Variants in KCNMB2 observed in about 807,000 individuals in gnomAD.
KCNMB2 encodes the protein calcium-activated potassium channel subunit beta-2.
Under a neutral mutation model 24.5 loss-of-function variants are expected in KCNMB2, and 9 were observed. That is an observed-to-expected ratio of 0.37 (90% CI 0.22 to 0.64). The LOEUF (loss-of-function observed/expected upper bound fraction) is 0.64, where lower values mean the gene tolerates loss of function less well. Ranked by LOEUF, KCNMB2 falls within the 30% of genes least tolerant of loss-of-function variation. The pLI is 0.63. For synonymous variants in KCNMB2, 109 were observed against 104.4 expected, an observed-to-expected ratio of 1.04 and a Z score of -0.27; for missense variants, 226 against 284.3, an observed-to-expected ratio of 0.79 and a Z score of 1.47.
At chr3:178,682,453 A>G (rs533519370) in intron 1 of KCNMB2, among the ~76,000 whole-genome samples, 1 of 152,184 alleles carries the variant, frequency 6.6e-6, no homozygotes, top group African/African-American at 2.4e-5. Flanking sequence ...CAAATCTTCT[A>G]TTCAGCATCT....
At chr3:178,578,723 C>A (rs1169429448) in intron 1 of KCNMB2, among the ~76,000 whole-genome samples, 1 of 152,096 alleles carries the variant, frequency 6.6e-6, no homozygotes, top group African/African-American at 2.4e-5. Context: ...GCAGAGTTTG[C>A]AATCCTAGTC....
At chr3:178,570,818 A>G (rs953905858) in intron 1 of KCNMB2, among the ~76,000 whole-genome samples, 4 of 152,192 alleles carry the variant, frequency 2.6e-5, no homozygotes, top group Non-Finnish European at 5.9e-5. Context: ...GAACTCTGGT[A>G]AGAAGAAAAG....
intron 1 of KCNMB2, among the ~76,000 whole-genome samples, chr3:178,750,621 C>T (rs1723812462): frequency 6.6e-6 from 1 of 152,164 alleles, no homozygotes; most frequent in Admixed American, 6.5e-5. Context: ...TTAGACTCAC[C>T]TTGTCATTCA....
chr3:178,750,839 T>C (rs1471418034), intron 1 of KCNMB2, among the ~76,000 whole-genome samples: 1 of 152,212 alleles, frequency 6.6e-6, no homozygotes, highest in African/African-American at 2.4e-5. Context: ...CCTGTGTTAC[T>C]TCCTCATCAA....
At chr3:178,730,191 C>T (rs1453907136) in intron 1 of KCNMB2, among the ~76,000 whole-genome samples, 4 of 152,136 alleles carry the variant, frequency 2.6e-5, no homozygotes, top group Non-Finnish European at 5.9e-5. Context: ...ACCCTAATAA[C>T]AATCACATAC....
Position 178,735,306 on chromosome 3 carries a change from C to T in KCNMB2, c.-67-72037C>T, listed in dbSNP as rs574271195. 9.3e-5 allele frequency among the ~76,000 whole-genome samples: 14 copies of T among 151,080 alleles called. No individual in the cohort carries two copies. In the South Asian group the frequency reaches 2.1e-3, roughly 23 times the overall value. On this transcript the variant is annotated intron_variant, in intron 1 of 4. Transcript: ENST00000452583. ...AGGAGATGGCCTGGATCACAGTTCTCAAAACAGTATGACTTCACTCCAGGG... is the reference window on the plus strand; with the variant it reads ...AGGAGATGGCCTGGATCACAGTTCTTAAAACAGTATGACTTCACTCCAGGG...
At chr3:178,771,473 C>CTTTCT (rs1712354438) in intron 1 of KCNMB2, among the ~76,000 whole-genome samples, 1 of 87,532 alleles carries the variant, frequency 1.1e-5, no homozygotes, top group Admixed American at 1.3e-4. Flanking sequence ...TTCTTTCTTT[C>CTTTCT]TTTTTTTTTT....
At chr3:178,748,028 A>G (rs1444241216) in intron 1 of KCNMB2, among the ~76,000 whole-genome samples, 3 of 152,184 alleles carry the variant, frequency 2.0e-5, no homozygotes, top group Non-Finnish European at 4.4e-5. Context: ...AAGTCTGATG[A>G]CTAACCCAAC....
intron 1 of KCNMB2, among the ~76,000 whole-genome samples, chr3:178,569,452 A>C (rs1716690906): frequency 6.6e-6 from 1 of 152,188 alleles, no homozygotes; most frequent in South Asian, 2.1e-4. Flanking sequence ...GGCAATTTCC[A>C]AATGAAAAGG....
At position 178,713,877 on chromosome 3, in the gene KCNMB2, T is replaced by C. The variant is rs528258900; in HGVS notation, c.-67-93466T>C. Among the ~76,000 whole-genome samples, 19 of 152,282 alleles carry C rather than the reference T, an allele frequency of 1.2e-4. No individual in the cohort carries two copies. The South Asian group carries it at 3.7e-3, about 30-fold the overall frequency. ...AACCTGTGTGGAAGCTCCCAAGTAATATAGCCCCTGGAATGCATGAATCCC... is the reference window on the plus strand; with the variant it reads ...AACCTGTGTGGAAGCTCCCAAGTAACATAGCCCCTGGAATGCATGAATCCC... On this transcript the variant is annotated intron_variant, in intron 1 of 4. Transcript: ENST00000452583.
intron 1 of KCNMB2, among the ~76,000 whole-genome samples, chr3:178,687,119 A>G (rs1721498114): frequency 6.6e-6 from 1 of 152,122 alleles, no homozygotes; most frequent in Non-Finnish European, 1.5e-5. Context: ...TTGCATTTCC[A>G]TCCGGGAATC....
chr3:178,765,652 T>C (rs1236893514), intron 1 of KCNMB2, among the ~76,000 whole-genome samples: 5 of 152,220 alleles, frequency 3.3e-5, no homozygotes, highest in East Asian at 1.9e-4. Context: ...CATGTGTGCA[T>C]GTCCACGTGT....
At chr3:178,577,212 C>T (rs975799430) in intron 1 of KCNMB2, among the ~76,000 whole-genome samples, 1 of 152,144 alleles carries the variant, frequency 6.6e-6, no homozygotes, top group Non-Finnish European at 1.5e-5. Context: ...CGCTTGCGTC[C>T]ACTCCAGGCA....
intron 1 of KCNMB2, among the ~76,000 whole-genome samples, chr3:178,758,561 G>GATGT (rs1249492172): frequency 1.8e-4 from 3 of 16,976 alleles, no homozygotes; most frequent in African/African-American, 9.9e-4. Context: ...TCCAAGAGGA[G>GATGT]ATATATATAT....
intron 1 of KCNMB2, among the ~76,000 whole-genome samples, chr3:178,544,164 C>T (rs372649197): frequency 5.9e-5 from 9 of 152,194 alleles, no homozygotes; most frequent in African/African-American, 2.2e-4. Flanking sequence ...TAAATGCCCA[C>T]ATGGTCAAAA....
intron 1 of KCNMB2, among the ~76,000 whole-genome samples, chr3:178,703,082 A>C (rs1722157476): frequency 6.6e-6 from 1 of 152,200 alleles, no homozygotes; most frequent in African/African-American, 2.4e-5. Flanking sequence ...TATTTGAAGG[A>C]TGATTAATAT....
chr3:178,641,759 T>C (rs1323634193), intron 1 of KCNMB2, among the ~76,000 whole-genome samples: 3 of 152,194 alleles, frequency 2.0e-5, no homozygotes, highest in African/African-American at 7.2e-5. Context: ...GGAAATGTTC[T>C]CTTTCTCTTT....
intron 1 of KCNMB2, among the ~76,000 whole-genome samples, chr3:178,537,042 G>C (rs2108443027): frequency 6.6e-6 from 1 of 152,266 alleles, no homozygotes; most frequent in African/African-American, 2.4e-5. Flanking sequence ...TGTACTGGTA[G>C]GGTCGAGTGA....
chr3:178,677,658 C>T (rs1351071155), intron 1 of KCNMB2, among the ~76,000 whole-genome samples: 28 of 152,184 alleles, frequency 1.8e-4, no homozygotes, highest in Admixed American at 1.8e-3. Flanking sequence ...TCAAAAATCA[C>T]GAGGTTTTCA....
Sources: gnomAD v4.1 joint callset for allele counts (sites outside exome capture counted in the v4.1 genomes callset) on GRCh38, gnomAD v4.1.1 for gene constraint, MANE v1.5 for transcripts, NCBI Gene and HGNC (gene_info 2026-07-23, HGNC 2026-07-21) for gene names.